Variants in CCDC178 observed in about 807,000 individuals in gnomAD.
CCDC178 encodes coiled-coil domain containing 178.
In CCDC178, 126 loss-of-function variants were observed where a neutral mutation model predicts 117.4. The ratio of observed to expected loss-of-function variants is 1.07; its 90% CI spans 0.93 to 1.24. The LOEUF (loss-of-function observed/expected upper bound fraction) is 1.24. CCDC178 is among the 50% of genes most tolerant of loss of function. The pLI, the probability that CCDC178 is intolerant of heterozygous loss-of-function variation, is 0.00. For synonymous variants in CCDC178, 283 were observed against 313.4 expected (o/e 0.90, Z 1.02); for missense variants, 1,030 against 986.9 (o/e 1.04, Z -0.59).
chr18:33,435,115 A>T (rs1454306889), intron 2 of CCDC178, among the ~76,000 whole-genome samples: 1 of 152,150 alleles, frequency 6.6e-6, no homozygotes, highest in East Asian at 1.9e-4. Flanking sequence ...AAATGGTCAT[A>T]ATTATTGGAG....
At chr18:33,355,504 G>A (rs1341245860) in intron 7 of CCDC178, among the ~76,000 whole-genome samples, 1 of 152,170 alleles carries the variant, frequency 6.6e-6, no homozygotes, top group Non-Finnish European at 1.5e-5. Context: ...TTCAATTCCT[G>A]CCCATGCAGA....
intron 5 of CCDC178, among the ~76,000 whole-genome samples, chr18:33,378,199 G>T (rs994384977): frequency 3.3e-5 from 5 of 152,104 alleles, no homozygotes; most frequent in African/African-American, 9.7e-5. Flanking sequence ...TTATTATTTT[G>T]TGACTATTGG....
intron 20 of CCDC178, among the ~76,000 whole-genome samples, chr18:33,107,534 C>T (rs565367905): frequency 3.3e-5 from 5 of 151,682 alleles, no homozygotes; most frequent in Admixed American, 6.6e-5. Context: ...CTGAAAATCA[C>T]AATAATAAGA....
chr18:33,352,456 T>C (rs1266112398), intron 7 of CCDC178, among the ~76,000 whole-genome samples: 1 of 152,136 alleles, frequency 6.6e-6, no homozygotes, highest in Non-Finnish European at 1.5e-5. Context: ...TTCCTTCCTT[T>C]TGCTAACTTT....
rs1362840489 is a variant in CCDC178 at position 32,981,111 on chromosome 18, GC to G, written c.2389-6431del. Among the ~76,000 whole-genome samples the G allele has an allele frequency of 2.0e-5, 3 of 152,130 alleles. No individual in the cohort carries two copies. The East Asian group carries it at 5.8e-4, about 29-fold the overall frequency. The stretch of plus-strand genomic sequence containing the variant: ...TAATCCCAGCACTTTGGGAGGCCAA[GC>G]CAAAGAGGATTGCTCGAGCTCAAGA... On this transcript the variant is annotated intron_variant, in intron 21 of 22. Transcript: ENST00000383096.
chr18:33,164,599 CA>C (rs34066381), intron 20 of CCDC178, among the ~76,000 whole-genome samples: 8,645 of 137,424 alleles, frequency 0.063, 337 homozygotes, highest in East Asian at 0.14. Context: ...TCTTCCCTAG[CA>C]AAAAAAAAAA....
chr18:33,019,110 T>C (rs539416501), intron 21 of CCDC178, among the ~76,000 whole-genome samples: 12 of 152,296 alleles, frequency 7.9e-5, no homozygotes, highest in African/African-American at 2.6e-4. Flanking sequence ...ATATTCATAT[T>C]TAAGTGTGTT....
intron 12 of CCDC178, among the ~76,000 whole-genome samples, chr18:33,276,026 G>A (rs201820636): frequency 6.7e-5 from 2 of 29,660 alleles, no homozygotes; most frequent in South Asian, 1.7e-3. Flanking sequence ...TAAAGTAAGT[G>A]AGTAAATAAA....
At chr18:33,024,712 C>G (rs868387000) in intron 21 of CCDC178, among the ~76,000 whole-genome samples, 2 of 151,828 alleles carry the variant, frequency 1.3e-5, no homozygotes, top group Middle Eastern at 3.5e-3. Flanking sequence ...GGCACGATCT[C>G]GGCTCACTGC....
chr18:33,436,642 C>T (rs1171642974), intron 2 of CCDC178, among the ~76,000 whole-genome samples: 2 of 152,130 alleles, frequency 1.3e-5, no homozygotes. Flanking sequence ...AACCATGGGT[C>T]CATGAATTGT....
chr18:33,061,906 A>G (rs1004704114), intron 21 of CCDC178, among the ~76,000 whole-genome samples: 1 of 152,192 alleles, frequency 6.6e-6, no homozygotes, highest in African/African-American at 2.4e-5. Flanking sequence ...GGGGGATTTT[A>G]CCTAGCTGTC....
intron 21 of CCDC178, among the ~76,000 whole-genome samples, chr18:32,983,024 T>A (rs2055184368): frequency 6.6e-6 from 1 of 151,774 alleles, no homozygotes; most frequent in Non-Finnish European, 1.5e-5. Context: ...CTGGCATGGG[T>A]TGTTGATAAT....
intron 20 of CCDC178, among the ~76,000 whole-genome samples, chr18:33,179,097 A>AAAC (rs367999766): frequency 9.9e-6 from 1 of 100,944 alleles, no homozygotes; most frequent in African/African-American, 5.5e-5. Context: ...ATATATATAT[A>AAAC]TATATATATA....
At chr18:33,029,356 A>G (rs924052407) in intron 21 of CCDC178, among the ~76,000 whole-genome samples, 3 of 151,936 alleles carry the variant, frequency 2.0e-5, no homozygotes, top group Admixed American at 2.0e-4. Context: ...GTTGGTAATA[A>G]TATCACATCT....
At chr18:33,401,380 A>G (rs2063707988) in intron 3 of CCDC178, among the ~76,000 whole-genome samples, 1 of 152,196 alleles carries the variant, frequency 6.6e-6, no homozygotes, top group Admixed American at 6.5e-5. Flanking sequence ...CAATAAAACG[A>G]GAGGTGCCTA....
intron 21 of CCDC178, among the ~76,000 whole-genome samples, chr18:32,980,233 C>T (rs1311592944): frequency 2.0e-5 from 3 of 151,968 alleles, no homozygotes; most frequent in Non-Finnish European, 2.9e-5. Flanking sequence ...ACCATATAAG[C>T]TGCAGGTTTA....
At chr18:33,107,449 T>C (rs1209622005) in intron 20 of CCDC178, among the ~76,000 whole-genome samples, 2 of 151,718 alleles carry the variant, frequency 1.3e-5, no homozygotes, top group East Asian at 3.9e-4. Context: ...TAATCCAAAA[T>C]GTTGAAATCT....
intron 2 of CCDC178, among the ~76,000 whole-genome samples, chr18:33,428,389 T>A (rs1431987115): frequency 1.3e-5 from 2 of 152,040 alleles, no homozygotes; most frequent in Admixed American, 1.3e-4. Context: ...GTAGAGAAGA[T>A]CCTAAAGCAC....
chr18:33,039,603 C>A (rs76482522), intron 21 of CCDC178, among the ~76,000 whole-genome samples: 12,277 of 151,878 alleles, frequency 0.081, 654 homozygotes, highest in African/African-American at 0.14. Flanking sequence ...AAAATACTTG[C>A]AGAAAGTTTG....
Sources: allele counts gnomAD v4.1 joint callset (sites outside exome capture counted in the v4.1 genomes callset), GRCh38; gene constraint gnomAD v4.1.1; transcripts MANE v1.5; gene names NCBI Gene and HGNC (gene_info 2026-07-23, HGNC 2026-07-21).